Variants in PANX3 observed in about 807,000 individuals in gnomAD.
PANX3 encodes the protein pannexin 3.
In PANX3, 18 loss-of-function variants were observed where a neutral mutation model predicts 31.5. The ratio of observed to expected loss-of-function variants is 0.57; its 90% confidence interval spans 0.39 to 0.85. The LOEUF (loss-of-function observed/expected upper bound fraction) is 0.85, where lower values mean the gene tolerates loss of function less well. PANX3 is among the 40% of genes least tolerant of loss of function. The probability of loss-of-function intolerance (pLI) is 0.00; values close to 1 mark genes in which losing one functional copy is unlikely to be tolerated. For missense variants in PANX3, 426 were observed against 485.4 expected, an observed-to-expected ratio of 0.88 and a Z score of 1.15; for synonymous variants, 194 against 201.6, an observed-to-expected ratio of 0.96 and a Z score of 0.32.
At position 124,620,107 on chromosome 11, in the gene PANX3, C is replaced by A. The variant is rs1863200164; in HGVS notation, c.*172C>A. ...TTATCCTAAAAGTGAGAAGACATAACCAAGACATGGAAATAAATGTGAAAG... is the reference window on the plus strand; with the variant it reads ...TTATCCTAAAAGTGAGAAGACATAAACAAGACATGGAAATAAATGTGAAAG... On this transcript the variant is annotated 3_prime_UTR_variant, in exon 4 of 4. Transcript: ENST00000284288. 2.7e-6 allele frequency: 2 copies of A among 730,750 alleles called. No homozygotes were observed. Among genetic ancestry groups the A allele is most frequent in the African/African-American group, 1.8e-5 (1 of 56,020 alleles). The allele number at this position is 730,750 out of a possible 1,614,324, so 45.3% of individuals were successfully genotyped here.
Position 124,619,642 on chromosome 11 carries a change from C to T in PANX3, c.886C>T (p.Arg296Trp), listed in dbSNP as rs151271042. The T allele has an allele frequency of 4.4e-4, 703 of 1,614,154 alleles. 1 individual carries two copies. The highest frequency in any genetic ancestry group is 5.0e-4 in the Non-Finnish European group (587 of 1,180,036). ...VIIYNLTRLC[R>W]WDKRLLSVYE... ...AATATACAACCTCACACGGCTATGT[C>T]GGTGGGACAAACGACTTTTATCTGT... The change falls in exon 4 of 4, where the codon CGG (arginine) becomes TGG (tryptophan). Residue 296 changes from arginine (R) to tryptophan (W), a missense_variant. Transcript: ENST00000284288.
chr11:124,617,169 C>A, intron 2 of PANX3, 105 bp from the exon 3 acceptor site: 2 of 952,438 alleles, frequency 2.1e-6, no homozygotes, highest in Non-Finnish European at 1.6e-6. Context: ...AAACAGCCTT[C>A]CCCTGCTGAG....
chr11:124,615,527 C>G (rs567978846), intron 2 of PANX3, among the ~76,000 whole-genome samples: 33 of 152,332 alleles, frequency 2.2e-4, no homozygotes, highest in African/African-American at 7.9e-4. Context: ...CAGAATCAGA[C>G]AGCCTATAGT....
At chr11:124,618,221 G>A (rs548752318) in intron 3 of PANX3, among the ~76,000 whole-genome samples, 2 of 152,294 alleles carry the variant, frequency 1.3e-5, no homozygotes, top group African/African-American at 4.8e-5. Context: ...GATGGCCCAA[G>A]GAGACAATTG....
Position 124,619,582 on chromosome 11 carries a change from A to G in PANX3, c.826A>G (p.Ser276Gly). Reference sequence around the variant, plus strand: ...CATTTTCCAGATTGTTAGCCTCTCCAGTGTAGCAATATACACCATATTGGT... The same window carrying G: ...CATTTTCCAGATTGTTAGCCTCTCCGGTGTAGCAATATACACCATATTGGT... ...LSIFQIVSLS[S>G]VAIYTILVPV... Residue 276 changes from serine to glycine, a missense_variant, in exon 4 of 4, where the codon AGT becomes GGT. Ser to Gly is a moderately conservative substitution (Grantham distance 56, BLOSUM62 0). Transcript: ENST00000284288. 6.2e-7 allele frequency: 1 copy of G among 1,614,196 alleles called. No individual in the cohort carries two copies. Among genetic ancestry groups the G allele is most frequent in the Non-Finnish European group, 8.5e-7 (1 of 1,180,038 alleles).
At position 124,617,270 on chromosome 11, in the gene PANX3, G is replaced by C. The variant is rs1863163472; in HGVS notation, c.325-4G>C. On this transcript the variant is annotated splice_region_variant and splice_polypyrimidine_tract_variant and intron_variant, in intron 2 of 3. Coordinates refer to ENST00000284288, the MANE Select transcript of PANX3 (RefSeq NM_052959.3). ...CTCCCTCCTCAGCTGCTCTCGCCCT[G>C]CAGGCCCTCCCCTACTCCCTGCTGG... 5.6e-6 allele frequency: 9 copies of C among 1,602,080 alleles called. No homozygotes were observed. Among genetic ancestry groups the C allele is most frequent in the Non-Finnish European group, 7.6e-6 (9 of 1,179,392 alleles).
rs998970302 is a variant in PANX3 at position 124,616,204 on chromosome 11, G to A, written c.325-1070G>A. Among the ~76,000 whole-genome samples, 6 of 152,000 alleles carry A rather than the reference G, an allele frequency of 3.9e-5. No individual in the cohort carries two copies. The highest frequency in any genetic ancestry group is 2.1e-4 in the South Asian group (1 of 4,812). On this transcript the variant is annotated intron_variant, in intron 2 of 3. Transcript: ENST00000284288. This position sits in a 1 kb window ranked among gnomAD's most constrained non-coding sequence, Gnocchi z 4.8. Reference sequence around the variant, plus strand: ...GGTGGCTTCAACAATCAAAATTATCGTCTCAGGGTTCTGGAGACCGGAAGT... The same window carrying A: ...GGTGGCTTCAACAATCAAAATTATCATCTCAGGGTTCTGGAGACCGGAAGT...
At position 124,611,742 on chromosome 11, in the gene PANX3, G is replaced by A. The variant is rs369545470; in HGVS notation, c.181+5G>A. The stretch of plus-strand genomic sequence containing the variant: ...TCGCCCAGGAGTTCTCCTCTGGTAA[G>A]TTGCTTCCAAGACCCAGTGCGCAAG... On this transcript the variant is annotated splice_donor_5th_base_variant and intron_variant, in intron 1 of 3. Coordinates refer to ENST00000284288, the MANE Select transcript of PANX3 (RefSeq NM_052959.3). The A allele has an allele frequency of 9.4e-5, 151 of 1,612,746 alleles. No individual in the cohort carries two copies. In the African/African-American group the frequency reaches 1.6e-3, roughly 17 times the overall value.
At position 124,611,577 on chromosome 11, in the gene PANX3, T is replaced by C; in HGVS notation, c.21T>C (p.Ala7=). ...GCATCATGTCACTTGCACACACAGC[T>C]GCAGAGTACATGCTCTCAGATGCCC... MSLAHT[A]AEYMLSDALL... is the part of the protein sequence containing the mutation. Residue 7 remains alanine, a synonymous_variant, in exon 1 of 4, where the codon GCT becomes GCC. Transcript: ENST00000284288. The C allele has an allele frequency of 6.2e-7, 1 of 1,613,772 alleles. No homozygotes were observed. The highest frequency in any genetic ancestry group is 8.5e-7 in the Non-Finnish European group (1 of 1,179,764).
At position 124,616,622 on chromosome 11, in the gene PANX3, G is replaced by A. The variant is rs1305508607; in HGVS notation, c.325-652G>A. 6.6e-6 allele frequency among the ~76,000 whole-genome samples: 1 copy of A among 152,226 alleles called. No individual in the cohort carries two copies. The highest frequency in any genetic ancestry group is 2.4e-5 in the African/African-American group (1 of 41,458). On this transcript the variant is annotated intron_variant, in intron 2 of 3. Coordinates refer to ENST00000284288, the MANE Select transcript of PANX3 (RefSeq NM_052959.3). This position sits in a 1 kb window ranked among gnomAD's most constrained non-coding sequence, Gnocchi z 4.8. The stretch of plus-strand genomic sequence containing the variant: ...AGTCATTGAGCAGACAAGGCTTATG[G>A]ATTCCTGAAAGTCACTTATAGATTT...
rs1863155427 is a variant in PANX3 at position 124,616,630 on chromosome 11, A to T, written c.325-644A>T. ...AGCAGACAAGGCTTATGGATTCCTG[A>T]AAGTCACTTATAGATTTACATGCCT... On this transcript the variant is annotated intron_variant, in intron 2 of 3. Transcript: ENST00000284288. The surrounding 1 kb of genome is among the most constrained non-coding windows in gnomAD (Gnocchi z 4.8). 6.6e-6 allele frequency among the ~76,000 whole-genome samples: 1 copy of T among 152,218 alleles called. No individual in the cohort carries two copies. The highest frequency in any genetic ancestry group is 6.5e-5 in the Admixed American group (1 of 15,286).
chr11:124,615,488 A>T (rs1485627627), intron 2 of PANX3, among the ~76,000 whole-genome samples: 2 of 152,192 alleles, frequency 1.3e-5, no homozygotes, highest in Non-Finnish European at 2.9e-5. Context: ...AGAAGCTATA[A>T]GTGAAGTAAT....
At chr11:124,612,860 G>A (rs370823829) in intron 1 of PANX3, 120 bp from the exon 2 acceptor site, 4 of 1,235,044 alleles carry the variant, frequency 3.2e-6, no homozygotes, top group South Asian at 2.8e-5. Flanking sequence ...GAAGACTAAG[G>A]TGTGGGAAGA....
At chr11:124,614,674 T>TTTC (rs1229064541) in intron 2 of PANX3, among the ~76,000 whole-genome samples, 37 of 139,978 alleles carry the variant, frequency 2.6e-4, no homozygotes, top group African/African-American at 8.9e-4. Flanking sequence ...CCCTTTCTTT[T>TTTC]TTTTTTTTTT....
chr11:124,620,011 A>C lies in PANX3; in HGVS notation c.*76A>C, dbSNP rs781775264. 2 of 1,446,940 alleles carry C rather than the reference A, an allele frequency of 1.4e-6. No homozygotes were observed. Among genetic ancestry groups the C allele is most frequent in the African/African-American group, 2.9e-5 (2 of 70,162 alleles). 89.6% of individuals were successfully genotyped at this position (1,446,940 alleles called of 1,614,324 possible). ...ATAAGACATGCACACTAATACACAT[A>C]CACACCAAAAAATTACACATTTTAA... is the stretch of plus-strand genomic sequence containing the variant. On this transcript the variant is annotated 3_prime_UTR_variant, in exon 4 of 4. Coordinates refer to ENST00000284288, the MANE Select transcript of PANX3 (RefSeq NM_052959.3).
At chr11:124,619,209 C>A in intron 3 of PANX3, 87 bp from the exon 4 acceptor site, 1 of 1,376,914 alleles carries the variant, frequency 7.3e-7, no homozygotes, top group Non-Finnish European at 9.9e-7. Flanking sequence ...ATGTTGAAAA[C>A]AGATCTGTTA....
At chr11:124,612,927 C>A in intron 1 of PANX3, 53 bp from the exon 2 acceptor site, 2 of 1,598,628 alleles carry the variant, frequency 1.3e-6, no homozygotes, top group South Asian at 1.1e-5. Context: ...GCCCCTGAGT[C>A]CCCACTCCTC....
At position 124,619,301 on chromosome 11, in the gene PANX3, G is replaced by A. The variant is rs374548170; in HGVS notation, c.545G>A (p.Arg182Gln). The A allele has an allele frequency of 8.7e-6, 14 of 1,610,960 alleles. No individual in the cohort carries two copies. Among genetic ancestry groups the A allele is most frequent in the South Asian group, 2.2e-5 (2 of 90,528 alleles). ...YVFWNELEKA[R>Q]KERYFEFPLL... The stretch of plus-strand genomic sequence containing the variant: ...TCCTTCCTTCCACTGCCCAGGGCTC[G>A]GAAAGAACGATACTTTGAATTCCCT... Residue 182 changes from arginine (R) to glutamine (Q), a missense_variant, in exon 4 of 4, where the codon CGG (arginine) becomes CAG (glutamine). Transcript: ENST00000284288.
intron 1 of PANX3, among the ~76,000 whole-genome samples, chr11:124,611,963 A>AT (rs1863098325): frequency 1.3e-5 from 2 of 152,072 alleles, no homozygotes; most frequent in Non-Finnish European, 1.5e-5. Context: ...AAAAAAAAAA[A>AT]AAAAAAAAAT....
Sources: gnomAD v4.1 joint callset for allele counts (sites outside exome capture counted in the v4.1 genomes callset) on GRCh38, gnomAD v4.1.1 for gene constraint, Gnocchi (gnomAD v3.1) non-coding constraint, MANE v1.5 for transcripts, NCBI Gene and HGNC (gene_info 2026-07-23, HGNC 2026-07-21) for gene names.